Variants in KCNQ3 observed in about 807,000 individuals in gnomAD.
KCNQ3 encodes the protein potassium voltage-gated channel subfamily Q member 3.
Under a neutral mutation model 92.5 loss-of-function variants are expected in KCNQ3, and 30 were observed. The observed-to-expected ratio is 0.32, with a 90% CI of 0.24 to 0.44. KCNQ3 has a LOEUF of 0.44. Among genes scored for constraint, KCNQ3 ranks in the 20% least tolerant of loss-of-function variants. The pLI is 1.00. For synonymous variants in KCNQ3, 450 were observed against 468.8 expected, an observed-to-expected ratio of 0.96 and a Z score of 0.52; for missense variants, 913 against 1,140.3, an observed-to-expected ratio of 0.80 and a Z score of 2.87.
intron 1 of KCNQ3, among the ~76,000 whole-genome samples, chr8:132,349,111 C>T (rs536430716): frequency 3.7e-4 from 57 of 152,310 alleles, no homozygotes; most frequent in African/African-American, 1.3e-3. Flanking sequence ...CACACTTCCG[C>T]CCTGGGAGCT....
At chr8:132,417,665 C>CCCAT (rs746543850) in intron 1 of KCNQ3, among the ~76,000 whole-genome samples, 32 of 149,306 alleles carry the variant, frequency 2.1e-4, no homozygotes, top group South Asian at 6.4e-4. Flanking sequence ...CCTGGGCAAA[C>CCCAT]CCATCCATCC....
chr8:132,224,081 ATTTTTTTT>A (rs1164773143), intron 1 of KCNQ3, among the ~76,000 whole-genome samples: 2 of 39,474 alleles, frequency 5.1e-5, no homozygotes, highest in African/African-American at 1.7e-4. Flanking sequence ...ATGCCAGGCT[ATTTTTTTT>A]TTTTTTTTTT....
intron 1 of KCNQ3, among the ~76,000 whole-genome samples, chr8:132,211,265 C>T (rs1166051423): frequency 1.3e-5 from 2 of 152,188 alleles, no homozygotes; most frequent in Non-Finnish European, 2.9e-5. Context: ...AAAAATTGTG[C>T]TTCAGTAGAA....
chr8:132,154,624 A>T (rs565979343), intron 9 of KCNQ3, among the ~76,000 whole-genome samples: 1 of 152,208 alleles, frequency 6.6e-6, no homozygotes, highest in South Asian at 2.1e-4. Context: ...GTGCAATGGG[A>T]TGATGGGGTG....
chr8:132,320,954 CT>C (rs1302446736), intron 1 of KCNQ3, among the ~76,000 whole-genome samples: 2 of 152,150 alleles, frequency 1.3e-5, no homozygotes, highest in Non-Finnish European at 2.9e-5. Flanking sequence ...ACCTGGGTGC[CT>C]TTAAAAAACA....
chr8:132,258,350 T>G (rs910471550), intron 1 of KCNQ3, among the ~76,000 whole-genome samples: 2 of 152,096 alleles, frequency 1.3e-5, no homozygotes, highest in African/African-American at 4.8e-5. Context: ...TAATCAAAAT[T>G]AGAATTTTGA....
chr8:132,388,393 A>C (rs540810140), intron 1 of KCNQ3, among the ~76,000 whole-genome samples: 29 of 152,354 alleles, frequency 1.9e-4, no homozygotes, highest in African/African-American at 6.7e-4. Context: ...CAGAACAGAC[A>C]GTGCCATTAT....
chr8:132,233,233 G>A (rs761032188), intron 1 of KCNQ3, among the ~76,000 whole-genome samples: 6 of 152,172 alleles, frequency 3.9e-5, no homozygotes, highest in Non-Finnish European at 5.9e-5. Context: ...TGAAAAACAT[G>A]TTTTCAAAAT....
At chr8:132,248,135 T>C (rs1815248648) in intron 1 of KCNQ3, among the ~76,000 whole-genome samples, 1 of 152,130 alleles carries the variant, frequency 6.6e-6, no homozygotes, top group African/African-American at 2.4e-5. Flanking sequence ...AATGTACATA[T>C]CAAAAATATA....
intron 1 of KCNQ3, among the ~76,000 whole-genome samples, chr8:132,227,829 T>C (rs1414192683): frequency 6.6e-6 from 1 of 152,142 alleles, no homozygotes; most frequent in Non-Finnish European, 1.5e-5. Flanking sequence ...AGAACCACGA[T>C]CAATGGGAAG....
Position 132,425,347 on chromosome 8 carries a change from A to G in KCNQ3, c.386+54800T>C, listed in dbSNP as rs1409262450. The stretch of plus-strand genomic sequence containing the variant: ...TGTAAGTAGCAAGTAAACTCCATCA[A>G]TTACTAGCTGGGTGCCTTGAGACAA... On this transcript the variant is annotated intron_variant, in intron 1 of 14. Transcript: ENST00000388996. Among the ~76,000 whole-genome samples the G allele has an allele frequency of 1.2e-4, 19 of 152,282 alleles. 1 individual carries two copies. Among genetic ancestry groups the G allele is most frequent in the Admixed American group, 1.2e-3 (18 of 15,304 alleles).
rs181323319 is a variant in KCNQ3 at position 132,293,352 on chromosome 8, C to T, written c.387-107171G>A. Among the ~76,000 whole-genome samples, 820 of 152,160 alleles carry T rather than the reference C, an allele frequency of 5.4e-3. 8 individuals carry two copies. Among genetic ancestry groups the T allele is most frequent in the African/African-American group, 0.019 (796 of 41,490 alleles). ...GGCAGTTTGAGGACTGAGCCCCCAA[C>T]CTATGGGACCTGACACTATCTCCAG... On this transcript the variant is annotated intron_variant, in intron 1 of 14. Coordinates refer to ENST00000388996, the MANE Select transcript of KCNQ3 (RefSeq NM_004519.4).
In KCNQ3 at chr8:132,480,377, T is replaced by A; in HGVS notation, c.156A>T (p.Gln52His). ...KVGLAPGDVEQVTLALGAGAD... is the reference protein window; with the variant it reads ...KVGLAPGDVEHVTLALGAGAD... ...CTCCGGCCCCGAGCGCCAAGGTGAC[T>A]TGCTCCACGTCGCCGGGCGCCAGCC... The change falls in exon 1 of 15, where the codon CAA becomes CAT. Residue 52 changes from glutamine (Q) to histidine (H), a missense_variant. By Grantham distance (24) the Gln-to-His change is conservative. Around this residue, in one of 6 missense-constraint regions of KCNQ3, gnomAD observed 183 missense variants for 167.7 expected, o/e 1.09. Transcript: ENST00000388996. The A allele has an allele frequency of 1.3e-6, 2 of 1,567,952 alleles. No homozygotes were observed. The highest frequency in any genetic ancestry group is 1.7e-6 in the Non-Finnish European group (2 of 1,164,704).
intron 9 of KCNQ3, among the ~76,000 whole-genome samples, chr8:132,142,352 T>C (rs1281241782): frequency 1.3e-5 from 2 of 152,180 alleles, no homozygotes; most frequent in Non-Finnish European, 1.5e-5. Flanking sequence ...GGCAAATCTG[T>C]GACCTTTTTG....
At chr8:132,325,661 C>A (rs990971362) in intron 1 of KCNQ3, among the ~76,000 whole-genome samples, 1 of 152,162 alleles carries the variant, frequency 6.6e-6, no homozygotes. Context: ...CCCAGAAAAA[C>A]CACCCTGTTG....
chr8:132,479,144 C>A (rs1292075848), intron 1 of KCNQ3, among the ~76,000 whole-genome samples: 1 of 152,144 alleles, frequency 6.6e-6, no homozygotes, highest in Non-Finnish European at 1.5e-5. Context: ...GCACAGATTT[C>A]CAATCTTGAA....
intron 1 of KCNQ3, among the ~76,000 whole-genome samples, chr8:132,207,868 T>C (rs1196331276): frequency 6.9e-6 from 1 of 144,292 alleles, no homozygotes; most frequent in Non-Finnish European, 1.5e-5. Flanking sequence ...CTTTTGGAAA[T>C]CTCATTAGAA....
intron 1 of KCNQ3, among the ~76,000 whole-genome samples, chr8:132,202,067 G>A (rs1447616313): frequency 6.6e-6 from 1 of 152,286 alleles, no homozygotes; most frequent in African/African-American, 2.4e-5. Flanking sequence ...GGAGCAGTGG[G>A]TTGAGCCACA....
At chr8:132,268,180 A>G (rs919626048) in intron 1 of KCNQ3, among the ~76,000 whole-genome samples, 1 of 152,206 alleles carries the variant, frequency 6.6e-6, no homozygotes, top group South Asian at 2.1e-4. Context: ...AGTTGGAGTC[A>G]TATAGTATGT....
Sources: gnomAD v4.1 joint callset for allele counts (sites outside exome capture counted in the v4.1 genomes callset) on GRCh38, gnomAD v4.1.1 for gene constraint, gnomAD v4.1.1 regional missense constraint, MANE v1.5 for transcripts, NCBI Gene and HGNC (gene_info 2026-07-23, HGNC 2026-07-21) for gene names.